The following GRIK5 variants were observed in gnomAD, a reference collection of about 807,000 sequenced individuals.
GRIK5 encodes the protein glutamate ionotropic receptor kainate type subunit 5, also known as glutamate receptor ionotropic, kainate 5.
Under a neutral mutation model 97.4 loss-of-function variants are expected in GRIK5, and 43 were observed. The observed-to-expected ratio is 0.44, with a 90% CI of 0.35 to 0.57. GRIK5 has a LOEUF of 0.57. Among genes scored for constraint, GRIK5 ranks in the 20% least tolerant of loss-of-function variants. GRIK5 has a pLI of 0.01. For missense variants in GRIK5, 1,015 were observed against 1,382.0 expected (o/e 0.73, Z 4.21); for synonymous variants, 580 against 583.5 (o/e 0.99, Z 0.09).
At chr19:42,010,575 T>C (rs1473784170) in intron 15 of GRIK5, among the ~76,000 whole-genome samples, 3 of 151,924 alleles carry the variant, frequency 2.0e-5, no homozygotes, top group African/African-American at 7.3e-5. Context: ...CAGGCAAAAA[T>C]ATCCCTCAAA....
intron 11 of GRIK5, among the ~76,000 whole-genome samples, chr19:42,047,351 G>A (rs949685278): frequency 6.6e-6 from 1 of 151,288 alleles, no homozygotes; most frequent in Non-Finnish European, 1.5e-5. Flanking sequence ...ACCAGCCTGG[G>A]CAACATAGGA....
chr19:42,036,115 A>C (rs2075901378), intron 12 of GRIK5, among the ~76,000 whole-genome samples: 1 of 152,116 alleles, frequency 6.6e-6, no homozygotes, highest in Admixed American at 6.5e-5. Flanking sequence ...GCTGGAATGC[A>C]GTGGCGCAAT....
At chr19:42,018,190 G>A (rs1218151011) in intron 15 of GRIK5, among the ~76,000 whole-genome samples, 1 of 148,142 alleles carries the variant, frequency 6.8e-6, no homozygotes, top group Non-Finnish European at 1.5e-5. Context: ...CAGGCATGGT[G>A]TTGGGCGCCT....
At chr19:42,053,489 GC>G in intron 11 of GRIK5, 112 bp downstream of exon 11, 1 of 670,814 alleles carries the variant, frequency 1.5e-6, no homozygotes. Flanking sequence ...AGGAATCCCA[GC>G]CCCCACTGGC....
At chr19:42,051,563 A>G (rs2076117448) in intron 11 of GRIK5, among the ~76,000 whole-genome samples, 1 of 152,154 alleles carries the variant, frequency 6.6e-6, no homozygotes, top group African/African-American at 2.4e-5. Context: ...CCTCTGTCCC[A>G]ACACTCACCA....
intron 11 of GRIK5, among the ~76,000 whole-genome samples, chr19:42,043,398 AATTTT>A (rs2076003448): frequency 6.8e-6 from 1 of 147,114 alleles, no homozygotes; most frequent in African/African-American, 2.6e-5. Flanking sequence ...CAGATGGTGC[AATTTT>A]TTTTTTTTTT....
In GRIK5 at chr19:42,069,683, G is replaced by C. The variant is rs1401833520; in HGVS notation, c.-493C>G. ...GGCCACAGGGGGCGAGGACTGGGTG[G>C]AGAAAAGGAAGCCGGCCATCAGGAG... On this transcript the variant is annotated 5_prime_UTR_variant, in exon 1 of 20. Coordinates refer to ENST00000593562, the MANE Select transcript of GRIK5 (RefSeq NM_002088.5). 6.9e-6 allele frequency among the ~76,000 whole-genome samples: 1 copy of C among 145,976 alleles called. No individual in the cohort carries two copies. The highest frequency in any genetic ancestry group is 1.5e-5 in the Non-Finnish European group (1 of 66,006).
At chr19:42,059,210 T>C (rs1412021647) in intron 6 of GRIK5, 139 bp downstream of exon 6, 4 of 665,420 alleles carry the variant, frequency 6.0e-6, no homozygotes, top group Non-Finnish European at 1.0e-5. Flanking sequence ...AGACAAACTT[T>C]ACAATTATCA....
intron 12 of GRIK5, among the ~76,000 whole-genome samples, chr19:42,024,178 C>T (rs1417110681): frequency 6.6e-6 from 1 of 151,968 alleles, no homozygotes; most frequent in Non-Finnish European, 1.5e-5. Flanking sequence ...CCACCTCACT[C>T]CCACTCTAGG....
At chr19:42,031,265 C>T (rs2075837368) in intron 12 of GRIK5, among the ~76,000 whole-genome samples, 1 of 152,220 alleles carries the variant, frequency 6.6e-6, no homozygotes, top group South Asian at 2.1e-4. Context: ...ACCCCTGCTT[C>T]TTCCAAGCCG....
At chr19:42,011,738 C>T (rs1157591244) in intron 15 of GRIK5, among the ~76,000 whole-genome samples, 1 of 152,004 alleles carries the variant, frequency 6.6e-6, no homozygotes, top group Admixed American at 6.6e-5. Context: ...TTTGGGAGGC[C>T]AAGGTGGGCA....
Position 42,002,278 on chromosome 19 carries a change from GGGC to G in GRIK5, c.2514+1051_2514+1053del, listed in dbSNP as rs1568876856. ...GGCTGTAAAGAGAAGGGAAGAAAGT[GGGC>G]GGTGGCTGGGAGGGAAAGTGAGGTC... On this transcript the variant is annotated intron_variant, in intron 19 of 19. Coordinates refer to ENST00000593562, the MANE Select transcript of GRIK5 (RefSeq NM_002088.5). This position sits in a 1 kb window ranked among gnomAD's most constrained non-coding sequence, Gnocchi z 5.2. 1 of 717,688 alleles carries G rather than the reference GGGC, an allele frequency of 1.4e-6. No homozygotes were observed. The highest frequency in any genetic ancestry group is 2.3e-4 in the Middle Eastern group (1 of 4,372). The allele number at this position is 717,688 out of a possible 1,614,324, so 44.5% of individuals were successfully genotyped here.
chr19:42,064,010 A>G (rs2076294549), intron 3 of GRIK5, among the ~76,000 whole-genome samples: 1 of 152,184 alleles, frequency 6.6e-6, no homozygotes, highest in South Asian at 2.1e-4. Flanking sequence ...ATGCCTGGAA[A>G]TGGTCCTTGC....
At chr19:42,061,662 C>T (rs1179233971) in intron 5 of GRIK5, among the ~76,000 whole-genome samples, 3 of 152,198 alleles carry the variant, frequency 2.0e-5, no homozygotes, top group Non-Finnish European at 4.4e-5. Flanking sequence ...AGGCCTTGCA[C>T]CATCCCTAGC....
At chr19:42,048,908 G>C (rs1385973184) in intron 11 of GRIK5, among the ~76,000 whole-genome samples, 1 of 151,964 alleles carries the variant, frequency 6.6e-6, no homozygotes, top group Non-Finnish European at 1.5e-5. Context: ...TGGGTGTGGT[G>C]GTGCACGACT....
In GRIK5 at chr19:42,044,432, G is replaced by C. The variant is rs151129729; in HGVS notation, c.1270-1677C>G. 1.2e-3 allele frequency among the ~76,000 whole-genome samples: 183 copies of C among 152,274 alleles called. 1 individual carries two copies. Among genetic ancestry groups the C allele is most frequent in the Admixed American group, 9.9e-3 (151 of 15,290 alleles). Reference sequence around the variant, plus strand: ...GTTTGCCACATTGACGCTTATTTCTGAGGGGTTTGAGCAAACTTTACTGAT... The same window carrying C: ...GTTTGCCACATTGACGCTTATTTCTCAGGGGTTTGAGCAAACTTTACTGAT... On this transcript the variant is annotated intron_variant, in intron 11 of 19. Coordinates refer to ENST00000593562, the MANE Select transcript of GRIK5 (RefSeq NM_002088.5).
At chr19:42,058,942 G>A (rs2076222739) in intron 6 of GRIK5, among the ~76,000 whole-genome samples, 1 of 152,024 alleles carries the variant, frequency 6.6e-6, no homozygotes, top group Non-Finnish European at 1.5e-5. Flanking sequence ...TCTGACTCGG[G>A]GCCAGGCACT....
intron 12 of GRIK5, among the ~76,000 whole-genome samples, chr19:42,030,754 G>A (rs2075831856): frequency 6.6e-6 from 1 of 152,120 alleles, no homozygotes; most frequent in Non-Finnish European, 1.5e-5. Context: ...ATTAGCCACT[G>A]CATCTGGCAA....
intron 9 of GRIK5, 132 bp downstream of exon 9, chr19:42,054,188 G>T (rs1046559042): frequency 3.2e-6 from 3 of 944,780 alleles, no homozygotes; most frequent in African/African-American, 3.2e-5. Flanking sequence ...CAACAGCCAG[G>T]AGTGGACAGG....
Sources: gnomAD v4.1 joint callset for allele counts (sites outside exome capture counted in the v4.1 genomes callset) on GRCh38, gnomAD v4.1.1 for gene constraint, Gnocchi (gnomAD v3.1) non-coding constraint, MANE v1.5 for transcripts, NCBI Gene and HGNC (gene_info 2026-07-23, HGNC 2026-07-21) for gene names.